The following TAF13 variants were observed in gnomAD, a reference collection of about 807,000 sequenced individuals.
The protein encoded by TAF13 is transcription initiation factor TFIID subunit 13.
A neutral mutation model predicts 18.7 loss-of-function variants in TAF13; 9 were observed. The observed-to-expected ratio is 0.48, with a 90% CI of 0.29 to 0.84. TAF13 has a LOEUF of 0.84. Ranked by LOEUF, TAF13 falls within the 40% of genes least tolerant of loss-of-function variation. The pLI is 0.08. For synonymous variants in TAF13, 49 were observed against 44.1 expected (o/e 1.11, Z -0.44); for missense variants, 105 against 146.5 (o/e 0.72, Z 1.46).
At chr1:109,071,207 G>A (rs1337610321) in intron 2 of TAF13, among the ~76,000 whole-genome samples, 3 of 152,110 alleles carry the variant, frequency 2.0e-5, no homozygotes, top group Non-Finnish European at 4.4e-5. Context: ...TTGGGAGGCC[G>A]AGTGGGGTGG....
intron 2 of TAF13, among the ~76,000 whole-genome samples, chr1:109,074,315 T>A (rs1664141420): frequency 6.6e-6 from 1 of 152,184 alleles, no homozygotes; most frequent in Non-Finnish European, 1.5e-5. Context: ...CTGTGTCCCC[T>A]CAGGGTTAAA....
chr1:109,075,406 C>G (rs1051609325), intron 1 of TAF13, among the ~76,000 whole-genome samples: 7 of 152,162 alleles, frequency 4.6e-5, no homozygotes, highest in Non-Finnish European at 7.3e-5. Context: ...CCTTTGTAGA[C>G]TTTGTAGTAA....
chr1:109,075,975 C>T lies in TAF13; in HGVS notation c.-28G>A. ...CACTAGCACGCCAACTCACAGCGTC[C>T]TGCCGGCTGGCTCCCAGCTGGTTAC... On this transcript the variant is annotated 5_prime_UTR_variant, in exon 1 of 4. Coordinates refer to ENST00000338366, the MANE Select transcript of TAF13 (RefSeq NM_005645.4). 1.2e-6 allele frequency: 2 copies of T among 1,614,220 alleles called. No individual in the cohort carries two copies. The highest frequency in any genetic ancestry group is 1.7e-6 in the Non-Finnish European group (2 of 1,180,044).
chr1:109,072,612 T>C (rs892632369), intron 2 of TAF13, among the ~76,000 whole-genome samples: 1 of 151,614 alleles, frequency 6.6e-6, no homozygotes, highest in East Asian at 2.0e-4. Context: ...GCCCTGCTAA[T>C]TTTTGTATTT....
chr1:109,065,546 GA>G (rs36042268), intron 3 of TAF13, among the ~76,000 whole-genome samples: 22,462 of 143,390 alleles, frequency 0.16, 1,700 homozygotes, highest in Middle Eastern at 0.28. Context: ...AAAAGGAGGG[GA>G]AAAAAAAAAA....
At chr1:109,068,865 G>A (rs1356236049) in intron 2 of TAF13, among the ~76,000 whole-genome samples, 3 of 152,144 alleles carry the variant, frequency 2.0e-5, no homozygotes, top group Non-Finnish European at 4.4e-5. Flanking sequence ...AGGGGGGCGT[G>A]GTGGCACGCA....
At chr1:109,074,385 G>C (rs143370201) in intron 2 of TAF13, among the ~76,000 whole-genome samples, 3,163 of 152,124 alleles carry the variant, frequency 0.021, 105 homozygotes, top group African/African-American at 0.071. Context: ...CAGCATGCTC[G>C]TTAAGAGTCA....
intron 2 of TAF13, among the ~76,000 whole-genome samples, chr1:109,067,436 TAAA>T (rs71069643): frequency 2.3e-5 from 3 of 130,920 alleles, no homozygotes; most frequent in Admixed American, 7.7e-5. Flanking sequence ...CTGTTTCTAC[TAAA>T]AAAAAAAAAA....
intron 2 of TAF13, among the ~76,000 whole-genome samples, chr1:109,074,205 A>G (rs1664138427): frequency 2.0e-5 from 3 of 152,356 alleles, no homozygotes; most frequent in South Asian, 2.1e-4. Flanking sequence ...AAGTAGACAT[A>G]GGAGACTCCA....
intron 2 of TAF13, among the ~76,000 whole-genome samples, chr1:109,072,691 T>A (rs2102111453): frequency 6.6e-6 from 1 of 152,072 alleles, no homozygotes; most frequent in African/African-American, 2.4e-5. Flanking sequence ...GCAGTCCGCC[T>A]GCCTTGACCT....
At chr1:109,067,347 A>G (rs1663968077) in intron 2 of TAF13, among the ~76,000 whole-genome samples, 1 of 152,058 alleles carries the variant, frequency 6.6e-6, no homozygotes, top group Non-Finnish European at 1.5e-5. Flanking sequence ...TCACGCCTGT[A>G]ATCCCAGCAC....
intron 2 of TAF13, among the ~76,000 whole-genome samples, chr1:109,073,632 G>T (rs888325726): frequency 6.6e-6 from 1 of 152,202 alleles, no homozygotes; most frequent in African/African-American, 2.4e-5. Flanking sequence ...CTCCCGAGGT[G>T]CCGGGATTCC....
chr1:109,074,712 G>A (rs1412281659), intron 2 of TAF13, among the ~76,000 whole-genome samples: 2 of 151,918 alleles, frequency 1.3e-5, no homozygotes, highest in East Asian at 1.9e-4. Context: ...CCCGGGAGGC[G>A]GAGCTTGCAG....
chr1:109,066,481 C>CGGG (rs1377523241), intron 2 of TAF13, among the ~76,000 whole-genome samples: 2 of 152,154 alleles, frequency 1.3e-5, no homozygotes, highest in Non-Finnish European at 2.9e-5. Flanking sequence ...CTAAGGTAAA[C>CGGG]AGTCTTTTCC....
intron 2 of TAF13, among the ~76,000 whole-genome samples, chr1:109,073,861 C>A (rs927614228): frequency 6.6e-6 from 1 of 152,036 alleles, no homozygotes; most frequent in East Asian, 1.9e-4. Context: ...TCTGCCCGGC[C>A]GCCCCGTCTG....
intron 1 of TAF13, 52 bp from the exon 2 acceptor site, chr1:109,075,117 A>G (rs1664158317): frequency 7.0e-7 from 1 of 1,432,070 alleles, no homozygotes; most frequent in African/African-American, 1.4e-5. Flanking sequence ...CTTGCATTTG[A>G]TATTTTAATA....
At chr1:109,064,800 T>C (rs1663924018) in intron 3 of TAF13, 107 bp from the exon 4 acceptor site, 3 of 899,584 alleles carry the variant, frequency 3.3e-6, no homozygotes, top group Admixed American at 3.2e-5. Flanking sequence ...CTCTTATTAT[T>C]ATTATTATGG....
At chr1:109,064,792 CTT>C (rs1663923672) in intron 3 of TAF13, 99 bp from the exon 4 acceptor site, 1 of 986,394 alleles carries the variant, frequency 1.0e-6, no homozygotes, top group Non-Finnish European at 1.4e-6. Flanking sequence ...AAGATTTTCT[CTT>C]ATTATTATTA....
intron 2 of TAF13, among the ~76,000 whole-genome samples, chr1:109,069,220 T>TGTGC (rs200848433): frequency 4.6e-5 from 7 of 151,756 alleles, no homozygotes; most frequent in African/African-American, 1.5e-4. Flanking sequence ...TGTGTGTGTG[T>TGTGC]GCGCACATGT....
Sources: allele counts gnomAD v4.1 joint callset (sites outside exome capture counted in the v4.1 genomes callset), GRCh38; gene constraint gnomAD v4.1.1; transcripts MANE v1.5; gene names NCBI Gene and HGNC (gene_info 2026-07-23, HGNC 2026-07-21).